Variants in DCC observed in about 807,000 individuals in gnomAD.
The protein encoded by DCC is DCC netrin 1 receptor.
Under a neutral mutation model 172.5 loss-of-function variants are expected in DCC, and 58 were observed. That is an observed-to-expected ratio of 0.34 (90% CI 0.27 to 0.42). The LOEUF (loss-of-function observed/expected upper bound fraction) is 0.42. Ranked by LOEUF, DCC falls within the 10% of genes least tolerant of loss-of-function variation. The probability of loss-of-function intolerance (pLI) is 1.00; values close to 1 mark genes in which losing one functional copy is unlikely to be tolerated. For missense variants in DCC, 1,740 were observed against 1,791.0 expected (o/e 0.97, Z 0.51); for synonymous variants, 709 against 644.5 (o/e 1.10, Z -1.52).
chr18:53,459,404 G>A lies in DCC; in HGVS notation c.3565G>A (p.Val1189Ile). ...PIQSCQDLTP[V>I]SHSQSETQLG... ...CCAAAGTTGCCAAGACCTCACACCA[G>A]TCAGCCACAGCCAGTCAGAAACCCA... The change falls in exon 24 of 29, where the codon GTC (valine) becomes ATC (isoleucine). Residue 1189 changes from valine (V) to isoleucine (I), a missense_variant. Around this residue, in one of 2 missense-constraint regions of DCC, gnomAD observed 1,732 missense variants for 1,767.4 expected, o/e 0.98. Coordinates refer to ENST00000442544, the MANE Select transcript of DCC (RefSeq NM_005215.4). 5.0e-6 allele frequency: 8 copies of A among 1,614,000 alleles called. No homozygotes were observed. The highest frequency in any genetic ancestry group is 4.5e-5 in the East Asian group (2 of 44,852).
intron 2 of DCC, among the ~76,000 whole-genome samples, chr18:52,785,424 A>C (rs575281802): frequency 1.3e-5 from 2 of 152,106 alleles, no homozygotes; most frequent in African/African-American, 4.8e-5. Context: ...TGCTTAAGTA[A>C]TTTCTTAAGT....
chr18:53,232,605 C>A (rs2056140037), intron 12 of DCC, among the ~76,000 whole-genome samples: 1 of 152,138 alleles, frequency 6.6e-6, no homozygotes, highest in Admixed American at 6.6e-5. Context: ...CTCAGGGTAC[C>A]TTGTGTCTTC....
rs529750375 is a variant in DCC, at chr18:53,027,433, T to C, written c.986-35872T>C. ...AGTTCATCACAGTTTATAAAGTTTA[T>C]AAAGAGCTCTAAATGTCATTCGGAG... On this transcript the variant is annotated intron_variant, in intron 5 of 28. Coordinates refer to ENST00000442544, the MANE Select transcript of DCC (RefSeq NM_005215.4). 3.9e-5 allele frequency among the ~76,000 whole-genome samples: 6 copies of C among 152,290 alleles called. No homozygotes were observed. The South Asian group carries it at 1.2e-3, about 32-fold the overall frequency.
intron 1 of DCC, among the ~76,000 whole-genome samples, chr18:52,715,424 T>G (rs1035011710): frequency 2.0e-4 from 30 of 151,888 alleles, no homozygotes; most frequent in Non-Finnish European, 2.9e-5. Flanking sequence ...CTCAGCCTCT[T>G]GAGTAGCTGA....
chr18:52,609,831 A>G (rs1481561481), intron 1 of DCC, among the ~76,000 whole-genome samples: 1 of 151,874 alleles, frequency 6.6e-6, no homozygotes, highest in Non-Finnish European at 1.5e-5. Flanking sequence ...GAACTGAACT[A>G]TCTTACAAGA....
At chr18:52,503,960 A>G (rs900859419) in intron 1 of DCC, among the ~76,000 whole-genome samples, 11 of 152,166 alleles carry the variant, frequency 7.2e-5, no homozygotes, top group Non-Finnish European at 1.5e-4. Flanking sequence ...TATGTATGCC[A>G]TAAATGCTTC....
intron 5 of DCC, among the ~76,000 whole-genome samples, chr18:53,050,107 A>G (rs2042314279): frequency 6.6e-6 from 1 of 152,092 alleles, no homozygotes; most frequent in South Asian, 2.1e-4. Flanking sequence ...AGCACAGGAG[A>G]AAGATGAAGG....
chr18:53,123,048 G>A (rs1011883593), intron 7 of DCC, among the ~76,000 whole-genome samples: 1 of 151,966 alleles, frequency 6.6e-6, no homozygotes, highest in African/African-American at 2.4e-5. Flanking sequence ...AGCAAAACAG[G>A]CATTGCATCC....
intron 1 of DCC, among the ~76,000 whole-genome samples, chr18:52,708,881 C>G (rs1005310080): frequency 6.6e-6 from 1 of 152,142 alleles, no homozygotes; most frequent in Non-Finnish European, 1.5e-5. Flanking sequence ...GCCAAGAACC[C>G]TGGCCTGGGA....
At chr18:53,357,704 A>T (rs2057892575) in intron 15 of DCC, among the ~76,000 whole-genome samples, 1 of 152,216 alleles carries the variant, frequency 6.6e-6, no homozygotes, top group African/African-American at 2.4e-5. Flanking sequence ...AAGTCATTTA[A>T]TGGTAAATGA....
chr18:52,549,037 G>A (rs2032692759), intron 1 of DCC, among the ~76,000 whole-genome samples: 2 of 151,972 alleles, frequency 1.3e-5, no homozygotes, highest in Non-Finnish European at 2.9e-5. Flanking sequence ...ACTGAAAAGT[G>A]ATTAGAGGAG....
chr18:52,966,480 G>GA, intron 5 of DCC, among the ~76,000 whole-genome samples: 1 of 152,108 alleles, frequency 6.6e-6, no homozygotes. Flanking sequence ...GTATCCCCCA[G>GA]GAGACTGACA....
Position 52,477,972 on chromosome 18 carries a change from G to A in DCC, c.91+137094G>A, listed in dbSNP as rs117061583. On this transcript the variant is annotated intron_variant, in intron 1 of 28. Transcript: ENST00000442544. Reference sequence around the variant, plus strand: ...TTGCATGCACACACCACCATACCCCGCTAATTTTTTTATGTTTAGTAGAGA... The same window carrying A: ...TTGCATGCACACACCACCATACCCCACTAATTTTTTTATGTTTAGTAGAGA... 2.1e-4 allele frequency among the ~76,000 whole-genome samples: 32 copies of A among 151,942 alleles called. No individual in the cohort carries two copies. In the East Asian group the frequency reaches 4.9e-3, roughly 23 times the overall value.
rs543396779 is a variant in DCC at position 53,465,607 on chromosome 18, A to G, written c.3620-2287A>G. 8.4e-4 allele frequency among the ~76,000 whole-genome samples: 128 copies of G among 152,226 alleles called. 1 individual carries two copies. Among genetic ancestry groups the G allele is most frequent in the African/African-American group, 2.9e-3 (120 of 41,564 alleles). The stretch of plus-strand genomic sequence containing the variant: ...GGGGATTACTGAATTTCTTGAAACT[A>G]TAAGGTTTATTTATGTCTTTTGCCA... On this transcript the variant is annotated intron_variant, in intron 24 of 28. Transcript: ENST00000442544.
intron 1 of DCC, among the ~76,000 whole-genome samples, chr18:52,467,601 T>C (rs1218905037): frequency 6.6e-6 from 1 of 152,198 alleles, no homozygotes; most frequent in Non-Finnish European, 1.5e-5. Flanking sequence ...TTTCTGGTTA[T>C]AGATCCTTGA....
intron 5 of DCC, among the ~76,000 whole-genome samples, chr18:53,041,164 T>G (rs1264965386): frequency 6.6e-6 from 1 of 152,138 alleles, no homozygotes; most frequent in Non-Finnish European, 1.5e-5. Context: ...GTTTAAGTCT[T>G]TAATCCGACT....
At chr18:53,436,825 T>G (rs1419426496) in intron 22 of DCC, among the ~76,000 whole-genome samples, 1 of 152,140 alleles carries the variant, frequency 6.6e-6, no homozygotes, top group African/African-American at 2.4e-5. Context: ...CTCACAGTTT[T>G]GGATGCTAGG....
intron 26 of DCC, among the ~76,000 whole-genome samples, chr18:53,495,799 G>A (rs1221989115): frequency 6.6e-6 from 1 of 152,104 alleles, no homozygotes; most frequent in East Asian, 1.9e-4. Flanking sequence ...ATATGTTTTG[G>A]AGGCTTTGTT....
chr18:52,959,324 A>T (rs2040801180), intron 5 of DCC, among the ~76,000 whole-genome samples: 1 of 152,124 alleles, frequency 6.6e-6, no homozygotes, highest in South Asian at 2.1e-4. Flanking sequence ...CAGTCCCAGA[A>T]AATTGTTCAT....
Sources: allele counts gnomAD v4.1 joint callset (sites outside exome capture counted in the v4.1 genomes callset), GRCh38; gene constraint gnomAD v4.1.1; regional missense constraint gnomAD v4.1.1; transcripts MANE v1.5; gene names NCBI Gene and HGNC (gene_info 2026-07-23, HGNC 2026-07-21).